The following ATP2A2 variants were observed in gnomAD, a reference collection of about 807,000 sequenced individuals.
The protein encoded by ATP2A2 is sarcoplasmic/endoplasmic reticulum calcium ATPase 2.
A neutral mutation model predicts 109.3 loss-of-function variants in ATP2A2; 14 were observed. The observed-to-expected ratio is 0.13, with a 90% CI of 0.08 to 0.20. The LOEUF is 0.20. Among genes scored for constraint, ATP2A2 ranks in the 10% least tolerant of loss-of-function variants. The pLI is 1.00. For synonymous variants in ATP2A2, 506 were observed against 490.9 expected, an observed-to-expected ratio of 1.03 and a Z score of -0.41; for missense variants, 657 against 1,321.6, an observed-to-expected ratio of 0.50 and a Z score of 7.80.
intron 10 of ATP2A2, 131 bp downstream of exon 10, chr12:110,333,414 C>T (rs1434569246): frequency 1.2e-6 from 1 of 839,782 alleles, no homozygotes; most frequent in East Asian, 2.5e-5. Flanking sequence ...CCCTTCCATT[C>T]AGAACCTGAT....
rs758767877 is a variant in ATP2A2, at chr12:110,346,031, G to A, written c.2772G>A (p.Met924Ile). The A allele has an allele frequency of 6.2e-7, 1 of 1,614,132 alleles. No individual in the cohort carries two copies. Reference sequence around the variant, plus strand: ...CCGAAAACCAGTCCTTGCTGAGGATGCCCCCCTGGGAGAACATCTGGCTCG... The same window carrying A: ...CCGAAAACCAGTCCTTGCTGAGGATACCCCCCTGGGAGAACATCTGGCTCG... ...SLSENQSLLR[M>I]PPWENIWLVG... Residue 924 changes from methionine to isoleucine, a missense_variant, in exon 19 of 20, where the codon ATG becomes ATA. Physicochemically the swap from Met to Ile is conservative, Grantham distance 10 (BLOSUM62 1). Coordinates refer to ENST00000539276, the MANE Select transcript of ATP2A2 (RefSeq NM_170665.4).
At chr12:110,300,598 C>T (rs1874518388) in intron 5 of ATP2A2, among the ~76,000 whole-genome samples, 1 of 151,568 alleles carries the variant, frequency 6.6e-6, no homozygotes, top group South Asian at 2.1e-4. Context: ...CCTCAGCCTC[C>T]CAAAGTGCTG....
Position 110,350,028 on chromosome 12 carries a change from CAT to C in ATP2A2, c.*3559_*3560del. 1 of 1,392,218 alleles carries C rather than the reference CAT, an allele frequency of 7.2e-7. No individual in the cohort carries two copies. The highest frequency in any genetic ancestry group is 9.3e-7 in the Non-Finnish European group (1 of 1,074,768). 86.2% of individuals were successfully genotyped at this position (1,392,218 alleles called of 1,614,324 possible). A position where few individuals can be genotyped will look rare whatever the true frequency, so the allele number is the denominator to read the frequency against. ...ACAGCTGCAACGATTGTGTCTGCCT[CAT>C]GGGGTTTTCCTCCAGAGCCTTTATT... On this transcript the variant is annotated 3_prime_UTR_variant, in exon 20 of 20. Transcript: ENST00000539276.
In ATP2A2 at chr12:110,350,259, A is replaced by C. The variant is rs569070764; in HGVS notation, c.*3789A>C. 3 of 1,614,098 alleles carry C rather than the reference A, an allele frequency of 1.9e-6. No individual in the cohort carries two copies. The East Asian group carries it at 6.7e-5, about 36-fold the overall frequency. Reference sequence around the variant, plus strand: ...TTCTAACGTTTCCTCTCTGTATTTCATGAAGCTGATTTCCTCTCTCTTTCC... The same window carrying C: ...TTCTAACGTTTCCTCTCTGTATTTCCTGAAGCTGATTTCCTCTCTCTTTCC... On this transcript the variant is annotated 3_prime_UTR_variant, in exon 20 of 20. Coordinates refer to ENST00000539276, the MANE Select transcript of ATP2A2 (RefSeq NM_170665.4).
chr12:110,335,097 G>C (rs909799101), intron 11 of ATP2A2, among the ~76,000 whole-genome samples: 9 of 152,108 alleles, frequency 5.9e-5, no homozygotes, highest in African/African-American at 2.2e-4. Flanking sequence ...TATGACAAGG[G>C]CCAGTAGCAA....
chr12:110,297,971 T>G (rs1039173589), intron 5 of ATP2A2, among the ~76,000 whole-genome samples: 1 of 152,086 alleles, frequency 6.6e-6, no homozygotes, highest in Non-Finnish European at 1.5e-5. Flanking sequence ...AGGTGGGTTG[T>G]TTGTTTTGGC....
intron 5 of ATP2A2, among the ~76,000 whole-genome samples, chr12:110,310,133 TTTTC>T (rs1875856886): frequency 6.6e-6 from 1 of 151,988 alleles, no homozygotes. Context: ...GTCATTTCTG[TTTTC>T]TTTTTTTCTT....
rs1878597957 is a variant in ATP2A2 at position 110,334,077 on chromosome 12, G to A, written c.1353G>A (p.Lys451=). The change falls in exon 11 of 20, where the codon AAG becomes AAA. Residue 451 remains lysine, a synonymous_variant. Coordinates refer to ENST00000539276, the MANE Select transcript of ATP2A2 (RefSeq NM_170665.4). The part of the protein sequence containing the change: ...TETALTCLVE[K]MNVFDTELKG... ...CTGCTCTCACTTGCCTAGTAGAGAA[G>A]ATGAATGTATTTGATACCGAATTGA... The A allele has an allele frequency of 6.2e-7, 1 of 1,614,068 alleles. No individual in the cohort carries two copies. Among genetic ancestry groups the A allele is most frequent in the Non-Finnish European group, 8.5e-7 (1 of 1,180,056 alleles).
chr12:110,319,997 T>C (rs1017870138), intron 5 of ATP2A2, among the ~76,000 whole-genome samples: 1 of 152,212 alleles, frequency 6.6e-6, no homozygotes, highest in African/African-American at 2.4e-5. Context: ...CTCCAAATTT[T>C]AATTTTAAAA....
In ATP2A2 at chr12:110,282,782, C is replaced by G; in HGVS notation, c.206C>G (p.Ala69Gly). ...CTAGTTAGGATTTTATTACTGGCAGCATGTATATCTTTTGTAAGTATAAAA... is the reference window on the plus strand; with the variant it reads ...CTAGTTAGGATTTTATTACTGGCAGGATGTATATCTTTTGTAAGTATAAAA... ...DLLVRILLLAACISFVLAWFE... is the reference protein window; with the variant it reads ...DLLVRILLLAGCISFVLAWFE... The change falls in exon 3 of 20, where the codon GCA becomes GGA. Residue 69 changes from alanine (A) to glycine (G), a missense_variant. By Grantham distance (60) the Ala-to-Gly change is moderately conservative. This residue lies in a region of ATP2A2 where 136 missense variants were observed against 343.9 expected (regional missense o/e 0.40). Coordinates refer to ENST00000539276, the MANE Select transcript of ATP2A2 (RefSeq NM_170665.4). 6 of 1,612,896 alleles carry G rather than the reference C, an allele frequency of 3.7e-6. No homozygotes were observed. Among genetic ancestry groups the G allele is most frequent in the Non-Finnish European group, 5.1e-6 (6 of 1,179,046 alleles).
chr12:110,291,516 T>C (rs1160965504), intron 3 of ATP2A2, among the ~76,000 whole-genome samples: 2 of 152,046 alleles, frequency 1.3e-5, no homozygotes, highest in Non-Finnish European at 2.9e-5. Context: ...GAAGTATAGT[T>C]TTGACTTTCA....
At chr12:110,306,328 C>T (rs545303368) in intron 5 of ATP2A2, among the ~76,000 whole-genome samples, 8 of 152,318 alleles carry the variant, frequency 5.3e-5, no homozygotes, top group South Asian at 2.1e-4. Flanking sequence ...CGTGAGCCAC[C>T]GCGCCCGGCC....
chr12:110,341,718 C>CA (rs1369960011), intron 14 of ATP2A2, among the ~76,000 whole-genome samples: 2 of 151,988 alleles, frequency 1.3e-5, no homozygotes, highest in African/African-American at 4.8e-5. Context: ...ACTAAAAATA[C>CA]AAAAAATTGC....
intron 6 of ATP2A2, 77 bp downstream of exon 6, chr12:110,323,149 CA>C (rs1877416192): frequency 9.2e-7 from 1 of 1,090,166 alleles, no homozygotes; most frequent in Non-Finnish European, 1.4e-6. Context: ...GCTCTTGCCT[CA>C]CTGTCCCTTT....
In ATP2A2 at chr12:110,340,636, T is replaced by G; in HGVS notation, c.1762-23T>G. On this transcript the variant is annotated intron_variant, in intron 13 of 19. Transcript: ENST00000539276. This position sits in a 1 kb window ranked among gnomAD's most constrained non-coding sequence, Gnocchi z 6.0. ...AAAAACTAGAACTTGCCACTTTTAT[T>G]TAAAGTGATGCTCTTATTTTAGACC... The G allele has an allele frequency of 6.2e-7, 1 of 1,613,424 alleles. No individual in the cohort carries two copies. The highest frequency in any genetic ancestry group is 8.5e-7 in the Non-Finnish European group (1 of 1,179,444).
At chr12:110,288,417 TC>T (rs1158411572) in intron 3 of ATP2A2, among the ~76,000 whole-genome samples, 1 of 151,820 alleles carries the variant, frequency 6.6e-6, no homozygotes, top group Non-Finnish European at 1.5e-5. Flanking sequence ...TTTTTTTTTT[TC>T]CTTGAGATGG....
rs1378622640 is a variant in ATP2A2, at chr12:110,340,050, C to T, written c.1761+329C>T. 6.6e-6 allele frequency among the ~76,000 whole-genome samples: 1 copy of T among 152,046 alleles called. No homozygotes were observed. The highest frequency in any genetic ancestry group is 1.5e-5 in the Non-Finnish European group (1 of 68,016). ...ACATTTCTAGAATATTCATTAGTTA[C>T]TGAAGGTCAAAAGATCCAAGTTGGA... On this transcript the variant is annotated intron_variant, in intron 13 of 19. Coordinates refer to ENST00000539276, the MANE Select transcript of ATP2A2 (RefSeq NM_170665.4). The surrounding 1 kb of genome is among the most constrained non-coding windows in gnomAD (Gnocchi z 6.0).
intron 14 of ATP2A2, among the ~76,000 whole-genome samples, chr12:110,341,678 G>A (rs1879368451): frequency 6.6e-6 from 1 of 152,090 alleles, no homozygotes; most frequent in African/African-American, 2.4e-5. Context: ...TTCAAGACCA[G>A]CCTGGCCAAC....
intron 18 of ATP2A2, 196 bp from the exon 19 acceptor site, chr12:110,345,805 T>G (rs1402492709): frequency 2.1e-5 from 14 of 670,708 alleles, no homozygotes; most frequent in East Asian, 1.9e-4. Flanking sequence ...TGCCAAAACA[T>G]AGATACAGAA....
Sources: allele counts gnomAD v4.1 joint callset (sites outside exome capture counted in the v4.1 genomes callset), GRCh38; gene constraint gnomAD v4.1.1; regional missense constraint gnomAD v4.1.1; non-coding constraint Gnocchi (gnomAD v3.1); transcripts MANE v1.5; gene names NCBI Gene and HGNC (gene_info 2026-07-23, HGNC 2026-07-21).